Variants in CDKL4 observed in about 807,000 individuals in gnomAD.
The protein encoded by CDKL4 is cyclin dependent kinase like 4, also known as cyclin-dependent kinase-like 4.
In CDKL4, 44 loss-of-function variants were observed where a neutral mutation model predicts 42.0. That is an observed-to-expected ratio of 1.05 (90% CI 0.82 to 1.35). The LOEUF is 1.35. Among genes scored for constraint, CDKL4 ranks in the 40% most tolerant of loss-of-function variants. The pLI is 0.00. For missense variants in CDKL4, 393 were observed against 369.9 expected (o/e 1.06, Z -0.51); for synonymous variants, 120 against 121.6 (o/e 0.99, Z 0.09).
intron 1 of CDKL4, among the ~76,000 whole-genome samples, chr2:39,235,760 A>G (rs1415167997): frequency 6.6e-6 from 1 of 152,166 alleles, no homozygotes; most frequent in African/African-American, 2.4e-5. Flanking sequence ...TTGAAACAAC[A>G]ACCACAACAA....
At chr2:39,201,554 A>C (rs1676849602) in intron 5 of CDKL4, among the ~76,000 whole-genome samples, 1 of 152,202 alleles carries the variant, frequency 6.6e-6, no homozygotes. Flanking sequence ...AATTGAAAAA[A>C]TATGGAACCA....
exon 2 of CDKL4, chr2:39,229,580 ATGC>A: frequency 7.0e-7 from 1 of 1,430,992 alleles, no homozygotes; most frequent in South Asian, 1.3e-5. Context: ...TTGCAGTACA[ATGC>A]TGCACCTGGA....
At chr2:39,235,221 T>C (rs983046445) in intron 1 of CDKL4, among the ~76,000 whole-genome samples, 3 of 152,146 alleles carry the variant, frequency 2.0e-5, no homozygotes, top group South Asian at 2.1e-4. Flanking sequence ...CTGTACCCCA[T>C]AGTCCTCTTG....
At chr2:39,209,613 AG>A (rs1677457394) in intron 4 of CDKL4, among the ~76,000 whole-genome samples, 1 of 152,230 alleles carries the variant, frequency 6.6e-6, no homozygotes, top group African/African-American at 2.4e-5. Context: ...AAAAGCTCCC[AG>A]GTGATCTCTA....
intron 1 of CDKL4, among the ~76,000 whole-genome samples, chr2:39,243,113 CAAAAAAAAAAAAAAAAAAAAAA>C (rs57132937): frequency 2.1e-4 from 8 of 38,420 alleles, no homozygotes; most frequent in African/African-American, 8.7e-4. Context: ...GACCCTGTCT[CAAAAAAAAAAAAAAAAAAAAAA>C]AAAAAAAAAA....
At chr2:39,237,495 C>T (rs1289376834) in intron 1 of CDKL4, among the ~76,000 whole-genome samples, 2 of 152,092 alleles carry the variant, frequency 1.3e-5, no homozygotes, top group African/African-American at 2.4e-5. Flanking sequence ...TTTTATTTAT[C>T]ATTGTATTGA....
Position 39,229,327 on chromosome 2 carries a change from A to G in CDKL4, c.168+38T>C, listed in dbSNP as rs753000622. On this transcript the variant is annotated intron_variant, in intron 2 of 9. Coordinates refer to ENST00000451199, the Ensembl canonical transcript of CDKL4. ...AATTTTAACATGCATATTTCACTCA[A>G]TTCCATGATATTTTACATATATATA... 2.9e-6 allele frequency: 4 copies of G among 1,400,668 alleles called. No individual in the cohort carries two copies. The South Asian group carries it at 4.2e-5, about 15-fold the overall frequency. 86.8% of individuals were successfully genotyped at this position (1,400,668 alleles called of 1,614,324 possible).
the CDKL4 span, among the ~76,000 whole-genome samples, chr2:39,169,789 C>G: frequency 6.6e-6 from 1 of 152,098 alleles, no homozygotes; most frequent in Non-Finnish European, 1.5e-5. Flanking sequence ...TCTCTAATGA[C>G]CACTCTTATT....
intron 4 of CDKL4, among the ~76,000 whole-genome samples, chr2:39,206,397 T>C (rs1677189808): frequency 1.3e-5 from 2 of 152,266 alleles, no homozygotes; most frequent in Admixed American, 6.5e-5. Context: ...TGTTCTTTCA[T>C]ATGCAGCGGC....
At chr2:39,177,150 T>G (rs1173416513) in intron 9 of CDKL4, among the ~76,000 whole-genome samples, 1 of 152,188 alleles carries the variant, frequency 6.6e-6, no homozygotes, top group Non-Finnish European at 1.5e-5. Flanking sequence ...CTGGGCCTTT[T>G]GGAAGGCCTT....
chr2:39,170,707 A>G (rs1293131748), downstream of CDKL4, among the ~76,000 whole-genome samples: 3 of 151,920 alleles, frequency 2.0e-5, no homozygotes, highest in East Asian at 5.8e-4. Context: ...TGCCCACCTC[A>G]GCCTCCCAAA....
chr2:39,196,287 C>A (rs1034659255), intron 5 of CDKL4, among the ~76,000 whole-genome samples: 1 of 152,232 alleles, frequency 6.6e-6, no homozygotes, highest in Non-Finnish European at 1.5e-5. Flanking sequence ...GCTACCTCTA[C>A]CAGAGCAGGT....
the CDKL4 span, among the ~76,000 whole-genome samples, chr2:39,168,459 G>T: frequency 1.3e-5 from 2 of 152,208 alleles, no homozygotes; most frequent in African/African-American, 4.8e-5. Context: ...AGCCAGGCCA[G>T]GCGCGGTGGC....
intron 5 of CDKL4, among the ~76,000 whole-genome samples, chr2:39,199,703 G>A (rs1050001556): frequency 3.9e-5 from 6 of 152,026 alleles, no homozygotes; most frequent in Non-Finnish European, 5.9e-5. Context: ...CAATAAATGC[G>A]ATACACCACA....
chr2:39,178,050 C>T (rs762887291), intron 9 of CDKL4, among the ~76,000 whole-genome samples: 57 of 152,198 alleles, frequency 3.7e-4, no homozygotes, highest in Non-Finnish European at 7.6e-4. Flanking sequence ...CAGATTGCTG[C>T]CTCAGCGATC....
intron 5 of CDKL4, among the ~76,000 whole-genome samples, chr2:39,193,595 G>A (rs560593773): frequency 6.6e-6 from 1 of 152,126 alleles, no homozygotes; most frequent in African/African-American, 2.4e-5. Context: ...GGCTGGTCTC[G>A]AACTCCTGAC....
chr2:39,244,997 T>C (rs1191069675), upstream of CDKL4, among the ~76,000 whole-genome samples: 1 of 152,104 alleles, frequency 6.6e-6, no homozygotes, highest in Non-Finnish European at 1.5e-5. Flanking sequence ...TCAGGGATTG[T>C]AAACACACCA....
chr2:39,199,271 C>T (rs1676703324), intron 5 of CDKL4, among the ~76,000 whole-genome samples: 1 of 152,022 alleles, frequency 6.6e-6, no homozygotes, highest in Non-Finnish European at 1.5e-5. Context: ...AAATATGCAA[C>T]TCTCCTAGAT....
chr2:39,177,497 A>G (rs1675214426), intron 9 of CDKL4, among the ~76,000 whole-genome samples: 1 of 144,082 alleles, frequency 6.9e-6, no homozygotes, highest in African/African-American at 2.6e-5. Flanking sequence ...CTCCGCCTCC[A>G]GGGTTTAAGC....
Sources: gnomAD v4.1 joint callset for allele counts (sites outside exome capture counted in the v4.1 genomes callset) on GRCh38, gnomAD v4.1.1 for gene constraint, MANE v1.5 for transcripts, NCBI Gene and HGNC (gene_info 2026-07-23, HGNC 2026-07-21) for gene names.